The following NPIPB2 variants were observed in gnomAD, a reference collection of about 807,000 sequenced individuals.
The protein encoded by NPIPB2 is nuclear pore complex interacting protein family member B2.
Under a neutral mutation model 30.8 loss-of-function variants are expected in NPIPB2, and 27 were observed. That is an observed-to-expected ratio of 0.88 (90% CI 0.65 to 1.21). The LOEUF (loss-of-function observed/expected upper bound fraction) is 1.21, where lower values mean the gene tolerates loss of function less well. Ranked by LOEUF, NPIPB2 falls within the 50% of genes most tolerant of loss-of-function variation. NPIPB2 has a pLI of 0.00. For missense variants in NPIPB2, 440 were observed against 446.2 expected (o/e 0.99, Z 0.13); for synonymous variants, 147 against 162.0 (o/e 0.91, Z 0.70).
At chr16:11,943,701 TTAAAA>T (rs2054969417), upstream of NPIPB2, among the ~76,000 whole-genome samples, 1 of 143,912 alleles carries the variant, frequency 6.9e-6, no homozygotes, top group Non-Finnish European at 1.5e-5. Context: ...AAACTCCGTC[TTAAAA>T]TAAAAAAAAA....
chr16:11,968,603 G>T (rs1042601285), intron 1 of NPIPB2: 2 of 152,148 alleles, frequency 1.3e-5, no homozygotes, highest in Admixed American at 6.6e-5. Flanking sequence ...GTTCCTGAAA[G>T]GGTTGTTCTT....
chr16:11,976,564 T>C (rs1173397754), intron 1 of NPIPB2: 2 of 360,772 alleles, frequency 5.5e-6, no homozygotes, highest in Non-Finnish European at 9.9e-6. Context: ...GGTCTCGGGT[T>C]TACCCTGAGT....
intron 1 of NPIPB2, chr16:11,967,708 A>G: frequency 1.9e-6 from 3 of 1,614,122 alleles, no homozygotes; most frequent in Non-Finnish European, 2.5e-6. Flanking sequence ...CCGAAGGTCG[A>G]CTCTGACCAT....
chr16:11,976,017 G>A (rs1369140160), intron 1 of NPIPB2, among the ~76,000 whole-genome samples: 1 of 152,084 alleles, frequency 6.6e-6, no homozygotes, highest in East Asian at 1.9e-4. Context: ...CTGGCCTCAA[G>A]CGATCCGCCT....
chr16:11,969,413 C>T (rs542481222), intron 1 of NPIPB2, among the ~76,000 whole-genome samples: 57 of 152,106 alleles, frequency 3.7e-4, no homozygotes, highest in Non-Finnish European at 6.2e-4. Flanking sequence ...CCCGCCACTG[C>T]GCCTGGCTAA....
intron 1 of NPIPB2, among the ~76,000 whole-genome samples, chr16:11,954,441 G>C (rs1267328213): frequency 6.7e-6 from 1 of 149,190 alleles, no homozygotes; most frequent in African/African-American, 2.5e-5. Context: ...TTGCACCACT[G>C]CACTCCAGCC....
intron 1 of NPIPB2, chr16:11,967,839 G>A (rs943184077): frequency 1.2e-6 from 2 of 1,613,510 alleles, no homozygotes; most frequent in African/African-American, 2.7e-5. Context: ...ATCAATTTCT[G>A]CTAGGTAATT....
At chr16:11,933,002 T>A (rs1220980614) in intron 4 of NPIPB2, among the ~76,000 whole-genome samples, 1 of 149,348 alleles carries the variant, frequency 6.7e-6, no homozygotes, top group Non-Finnish European at 1.5e-5. Context: ...GGCTCATGCC[T>A]CTAATCCCAG....
chr16:11,974,575 T>C (rs2055256458), intron 1 of NPIPB2, among the ~76,000 whole-genome samples: 1 of 152,072 alleles, frequency 6.6e-6, no homozygotes, highest in South Asian at 2.1e-4. Context: ...TAAGTCTCCT[T>C]CAGCATTAGA....
chr16:11,933,032 A>G (rs1020080301), intron 4 of NPIPB2, among the ~76,000 whole-genome samples: 26 of 151,530 alleles, frequency 1.7e-4, no homozygotes, highest in Admixed American at 8.6e-4. Context: ...AGGCTGAGGC[A>G]GGTGGATTAC....
chr16:11,954,594 T>C (rs146688712), intron 1 of NPIPB2, among the ~76,000 whole-genome samples: 13 of 152,182 alleles, frequency 8.5e-5, no homozygotes, highest in Admixed American at 2.6e-4. Context: ...ATATTGAGTA[T>C]TGGATATTAT....
chr16:11,951,765 C>G (rs1372875433), intron 1 of NPIPB2, among the ~76,000 whole-genome samples: 1 of 151,666 alleles, frequency 6.6e-6, no homozygotes, highest in South Asian at 2.1e-4. Flanking sequence ...CGGTGGCTCA[C>G]GCCTGTAATC....
intron 1 of NPIPB2, chr16:11,976,440 T>C (rs1175186160): frequency 3.2e-5 from 8 of 253,060 alleles, no homozygotes; most frequent in Non-Finnish European, 3.0e-5. Context: ...CTATTTTTAT[T>C]TCCTTTCCCG....
At chr16:11,935,738 G>A (rs2054856991) in intron 2 of NPIPB2, among the ~76,000 whole-genome samples, 1 of 144,818 alleles carries the variant, frequency 6.9e-6, no homozygotes, top group African/African-American at 2.6e-5. Flanking sequence ...GATGAAAAGA[G>A]CAACCACGTC....
intron 1 of NPIPB2, among the ~76,000 whole-genome samples, chr16:11,958,555 C>G (rs1389027426): frequency 1.3e-5 from 2 of 151,912 alleles, no homozygotes; most frequent in African/African-American, 4.8e-5. Flanking sequence ...CACAGCAAGA[C>G]CCCCATCTTT....
At chr16:11,972,878 T>A (rs1431883869) in intron 1 of NPIPB2, among the ~76,000 whole-genome samples, 29 of 128,450 alleles carry the variant, frequency 2.3e-4, no homozygotes, top group Middle Eastern at 6.4e-3. Flanking sequence ...AAAAAAAAAA[T>A]AGCTGGGCGT....
rs185917154 is a variant in NPIPB2, at chr16:11,934,627, G to A, written c.193-703C>T. Among the ~76,000 whole-genome samples, 172 of 151,776 alleles carry A rather than the reference G, an allele frequency of 1.1e-3. 1 individual carries two copies. The highest frequency in any genetic ancestry group is 4.1e-3 in the African/African-American group (168 of 41,350). ...TGTAATCCCAGCACTTTGGGAGGCTGAGGTGGGTGAATCACAAGGTCAAGA... is the reference window on the plus strand; with the variant it reads ...TGTAATCCCAGCACTTTGGGAGGCTAAGGTGGGTGAATCACAAGGTCAAGA... On this transcript the variant is annotated intron_variant, in intron 2 of 7. Transcript: ENST00000399147.
intron 1 of NPIPB2, among the ~76,000 whole-genome samples, chr16:11,955,787 A>G (rs1843537689): frequency 7.1e-6 from 1 of 140,152 alleles, no homozygotes; most frequent in Admixed American, 7.4e-5. Flanking sequence ...AGATAGTGGC[A>G]ATGGAAAGTT....
exon 1 of NPIPB2, chr16:11,976,599 C>T (rs144930188): frequency 2.7e-6 from 1 of 365,156 alleles, no homozygotes; most frequent in East Asian, 4.1e-5. Context: ...GCCTCAGCAC[C>T]GCTCTCCACA....
Sources: gnomAD v4.1 joint callset for allele counts (sites outside exome capture counted in the v4.1 genomes callset) on GRCh38, gnomAD v4.1.1 for gene constraint, MANE v1.5 for transcripts, NCBI Gene and HGNC (gene_info 2026-07-23, HGNC 2026-07-21) for gene names.